The following LRRC28 variants were observed in gnomAD, a reference collection of about 807,000 sequenced individuals.
The protein encoded by LRRC28 is leucine-rich repeat-containing protein 28.
Under a neutral mutation model 45.7 loss-of-function variants are expected in LRRC28, and 39 were observed. That is an observed-to-expected ratio of 0.85 (90% confidence interval 0.66 to 1.12). LRRC28 has a LOEUF of 1.12. Among genes scored for constraint, LRRC28 ranks in the 50% most tolerant of loss-of-function variants. The pLI is 0.00. For synonymous variants in LRRC28, 206 were observed against 178.8 expected (o/e 1.15, Z -1.22); for missense variants, 435 against 438.5 (o/e 0.99, Z 0.07).
chr15:99,339,679 C>T (rs1410681671), intron 6 of LRRC28, among the ~76,000 whole-genome samples: 3 of 150,810 alleles, frequency 2.0e-5, no homozygotes, highest in South Asian at 2.1e-4. Flanking sequence ...GAGCCGAGAT[C>T]GCACCACTGC....
At chr15:99,277,049 A>AT (rs986942312) in intron 3 of LRRC28, among the ~76,000 whole-genome samples, 1 of 151,992 alleles carries the variant, frequency 6.6e-6, no homozygotes, top group Non-Finnish European at 1.5e-5. Context: ...TCTTTTTATG[A>AT]TTACCTTCAA....
intron 2 of LRRC28, among the ~76,000 whole-genome samples, chr15:99,271,155 G>C (rs1158340387): frequency 6.6e-6 from 1 of 152,136 alleles, no homozygotes; most frequent in Admixed American, 6.5e-5. Flanking sequence ...TTATAGTCTG[G>C]ATGCTAGACC....
Position 99,376,642 on chromosome 15 carries a change from A to G in LRRC28, c.1032-9388A>G, listed in dbSNP as rs528543128. Among the ~76,000 whole-genome samples the G allele has an allele frequency of 5.3e-4, 81 of 152,170 alleles. No homozygotes were observed. In the South Asian group the frequency reaches 0.016, roughly 30 times the overall value. On this transcript the variant is annotated intron_variant, in intron 9 of 9. Coordinates refer to ENST00000301981, the MANE Select transcript of LRRC28 (RefSeq NM_144598.5). ...GTTGGTGTGCTGCACTCATTAACTC[A>G]TTATTTACATTAGGTATATACCTAA... is the stretch of plus-strand genomic sequence containing the variant.
chr15:99,342,347 T>C (rs990277188), intron 6 of LRRC28, among the ~76,000 whole-genome samples: 1 of 152,064 alleles, frequency 6.6e-6, no homozygotes, highest in African/African-American at 2.4e-5. Flanking sequence ...CAGAATGATG[T>C]GTTGGGGGAG....
intron 9 of LRRC28, 59 bp from the exon 10 acceptor site, chr15:99,385,971 G>C (rs1355655391): frequency 2.0e-6 from 3 of 1,488,380 alleles, no homozygotes; most frequent in Non-Finnish European, 2.8e-6. Flanking sequence ...CCAGCAGAAA[G>C]AATCAGAGAC....
At chr15:99,337,091 T>C (rs1011957847) in intron 6 of LRRC28, among the ~76,000 whole-genome samples, 1 of 152,230 alleles carries the variant, frequency 6.6e-6, no homozygotes, top group Non-Finnish European at 1.5e-5. Context: ...GCAGCTGGTT[T>C]CTGTGCCCTT....
intron 1 of LRRC28, 54 bp from the exon 2 acceptor site, chr15:99,255,844 G>A: frequency 8.6e-7 from 1 of 1,163,520 alleles, no homozygotes; most frequent in Non-Finnish European, 1.2e-6. Context: ...TGGTTTATAT[G>A]GCAATTCTTG....
chr15:99,367,350 G>A (rs1387903267), intron 9 of LRRC28, among the ~76,000 whole-genome samples: 1 of 152,200 alleles, frequency 6.6e-6, no homozygotes, highest in Non-Finnish European at 1.5e-5. Context: ...TGCTTTTGGA[G>A]CCTGGGAAGT....
chr15:99,290,283 A>C (rs971980984), intron 5 of LRRC28, among the ~76,000 whole-genome samples: 2 of 152,046 alleles, frequency 1.3e-5, no homozygotes, highest in Non-Finnish European at 2.9e-5. Context: ...AAAAGAAAAA[A>C]ATGGCACCAG....
At chr15:99,385,303 A>G (rs1198677014) in intron 9 of LRRC28, among the ~76,000 whole-genome samples, 1 of 152,208 alleles carries the variant, frequency 6.6e-6, no homozygotes, top group Non-Finnish European at 1.5e-5. Context: ...GGAAAGGCGG[A>G]CTGTGTTGGG....
At chr15:99,275,116 T>C (rs555285278) in intron 2 of LRRC28, among the ~76,000 whole-genome samples, 1 of 151,998 alleles carries the variant, frequency 6.6e-6, no homozygotes, top group Non-Finnish European at 1.5e-5. Flanking sequence ...GAGAGAGAGA[T>C]ATTATATGTA....
At chr15:99,353,073 G>T (rs1287883806) in intron 7 of LRRC28, among the ~76,000 whole-genome samples, 1 of 152,054 alleles carries the variant, frequency 6.6e-6, no homozygotes, top group Non-Finnish European at 1.5e-5. Flanking sequence ...TTTTAGTCAG[G>T]CTTTTAGAAA....
At chr15:99,285,318 T>C in intron 3 of LRRC28, 1 of 740,912 alleles carries the variant, frequency 1.3e-6, no homozygotes, top group South Asian at 1.4e-5. Flanking sequence ...GAGACAGCTG[T>C]CTTTAGTCCC....
chr15:99,319,884 A>G (rs568489974), intron 5 of LRRC28, among the ~76,000 whole-genome samples: 3 of 152,100 alleles, frequency 2.0e-5, no homozygotes, highest in Non-Finnish European at 2.9e-5. Flanking sequence ...GCTCACTGCA[A>G]CCTCTGCCTC....
At chr15:99,333,163 C>T (rs1218687695) in intron 5 of LRRC28, among the ~76,000 whole-genome samples, 1 of 152,136 alleles carries the variant, frequency 6.6e-6, no homozygotes, top group Non-Finnish European at 1.5e-5. Context: ...AAGGAACTTC[C>T]TAATCTTCAC....
intron 2 of LRRC28, among the ~76,000 whole-genome samples, chr15:99,271,095 C>T (rs2081465726): frequency 6.6e-6 from 1 of 152,066 alleles, no homozygotes; most frequent in African/African-American, 2.4e-5. Flanking sequence ...GATCCTTTGC[C>T]CATTTTTTAA....
intron 6 of LRRC28, among the ~76,000 whole-genome samples, chr15:99,347,517 T>C (rs1335999110): frequency 6.6e-6 from 1 of 152,260 alleles, no homozygotes; most frequent in Non-Finnish European, 1.5e-5. Context: ...ATACTCTGTA[T>C]ATAAGTGAGA....
intron 6 of LRRC28, chr15:99,338,301 G>C (rs552685914): frequency 6.6e-6 from 1 of 152,342 alleles, no homozygotes; most frequent in African/African-American, 2.4e-5. Context: ...TCCATGAACC[G>C]TTTTCTGAAA....
At chr15:99,375,867 T>G (rs1429837274) in intron 9 of LRRC28, among the ~76,000 whole-genome samples, 1 of 152,114 alleles carries the variant, frequency 6.6e-6, no homozygotes, top group Non-Finnish European at 1.5e-5. Flanking sequence ...TCAGTCTTGG[T>G]CAAGATTTAT....
Sources: allele counts gnomAD v4.1 joint callset (sites outside exome capture counted in the v4.1 genomes callset), GRCh38; gene constraint gnomAD v4.1.1; transcripts MANE v1.5; gene names NCBI Gene and HGNC (gene_info 2026-07-23, HGNC 2026-07-21).